Variants in KSR2 observed in about 807,000 individuals in gnomAD.
KSR2 encodes kinase suppressor of ras 2.
A neutral mutation model predicts 107.8 loss-of-function variants in KSR2; 25 were observed. That is an observed-to-expected ratio of 0.23 (90% CI 0.17 to 0.32). The LOEUF (loss-of-function observed/expected upper bound fraction) is 0.32, where lower values mean the gene tolerates loss of function less well. Among genes scored for constraint, KSR2 ranks in the 10% least tolerant of loss-of-function variants. KSR2 has a pLI of 1.00. For synonymous variants in KSR2, 480 were observed against 507.0 expected (o/e 0.95, Z 0.71); for missense variants, 887 against 1,268.9 (o/e 0.70, Z 4.57).
In KSR2 at chr12:117,550,943, C is replaced by A. The variant is rs562539270; in HGVS notation, c.1518+4226G>T. Among the ~76,000 whole-genome samples the A allele has an allele frequency of 3.3e-5, 5 of 152,160 alleles. No individual in the cohort carries two copies. In the East Asian group the frequency reaches 9.6e-4, roughly 29 times the overall value. ...GATGATTTCCCTTTCTCTGAATTGC[C>A]CCCATGTCCATCCTTTACAAAAGAC... On this transcript the variant is annotated intron_variant, in intron 9 of 19. Transcript: ENST00000339824.
chr12:117,592,467 G>T (rs1330514974), intron 5 of KSR2, among the ~76,000 whole-genome samples: 2 of 152,078 alleles, frequency 1.3e-5, no homozygotes, highest in African/African-American at 2.4e-5. Flanking sequence ...GACCTGGCAG[G>T]TAACCATCAA....
At chr12:117,771,187 A>G (rs896582668) in intron 3 of KSR2, among the ~76,000 whole-genome samples, 1 of 152,178 alleles carries the variant, frequency 6.6e-6, no homozygotes, top group African/African-American at 2.4e-5. Flanking sequence ...ACTGCTTAGG[A>G]CAAACCTGCC....
At chr12:117,771,715 G>C (rs1227638235) in intron 3 of KSR2, among the ~76,000 whole-genome samples, 3 of 152,128 alleles carry the variant, frequency 2.0e-5, no homozygotes, top group African/African-American at 4.8e-5. Flanking sequence ...TAATGGATAA[G>C]TGACAGGTCA....
chr12:117,511,701 AT>A (rs1874033708), intron 14 of KSR2, among the ~76,000 whole-genome samples: 1 of 152,210 alleles, frequency 6.6e-6, no homozygotes, highest in Admixed American at 6.5e-5. Context: ...CCATAGTGCC[AT>A]TTCACAAGGA....
At chr12:117,787,131 A>G (rs565654050) in intron 3 of KSR2, among the ~76,000 whole-genome samples, 21 of 152,092 alleles carry the variant, frequency 1.4e-4, no homozygotes, top group Admixed American at 6.5e-5. Flanking sequence ...ACTCTCTGCC[A>G]CTGCCTGTCC....
intron 3 of KSR2, among the ~76,000 whole-genome samples, chr12:117,764,560 G>A (rs1019737337): frequency 1.3e-5 from 2 of 152,104 alleles, no homozygotes; most frequent in African/African-American, 2.4e-5. Context: ...TCATTCAAAC[G>A]GGAAAAGATA....
intron 5 of KSR2, among the ~76,000 whole-genome samples, chr12:117,633,380 G>T (rs1166105637): frequency 6.6e-6 from 1 of 152,228 alleles, no homozygotes; most frequent in Admixed American, 6.5e-5. Context: ...CCAGGAACAG[G>T]TGTGCGGGTT....
At chr12:117,482,111 A>C (rs1000798432) in intron 16 of KSR2, among the ~76,000 whole-genome samples, 3 of 152,042 alleles carry the variant, frequency 2.0e-5, no homozygotes, top group Non-Finnish European at 4.4e-5. Flanking sequence ...GTTGCTACAT[A>C]AGAAGTTTGA....
chr12:117,801,941 A>T (rs1225374060), intron 3 of KSR2, among the ~76,000 whole-genome samples: 1 of 152,136 alleles, frequency 6.6e-6, no homozygotes, highest in Non-Finnish European at 1.5e-5. Context: ...TGTCCCTAAG[A>T]AAAGGGTGAC....
chr12:117,944,621 G>A (rs760022765), intron 1 of KSR2, among the ~76,000 whole-genome samples: 1 of 151,674 alleles, frequency 6.6e-6, no homozygotes, highest in East Asian at 1.9e-4. Flanking sequence ...TTTGGGAGGC[G>A]GAGACAGGCA....
chr12:117,907,816 T>G lies in KSR2; in HGVS notation c.181-47385A>C, dbSNP rs1227327773. On this transcript the variant is annotated intron_variant, in intron 1 of 19. Transcript: ENST00000339824. The surrounding 1 kb of genome is among the most constrained non-coding windows in gnomAD (Gnocchi z 4.3). Reference sequence around the variant, plus strand: ...TTTCTTCCTATAAAGCTATATAATATGAGCTTCATAATCATCTTTTCACTG... The same window carrying G: ...TTTCTTCCTATAAAGCTATATAATAGGAGCTTCATAATCATCTTTTCACTG... Among the ~76,000 whole-genome samples, 1 of 152,090 alleles carries G rather than the reference T, an allele frequency of 6.6e-6. No homozygotes were observed. Among genetic ancestry groups the G allele is most frequent in the Middle Eastern group, 3.2e-3 (1 of 312 alleles).
intron 4 of KSR2, among the ~76,000 whole-genome samples, chr12:117,726,481 G>A (rs113704396): frequency 5.8e-4 from 89 of 152,320 alleles, no homozygotes; most frequent in African/African-American, 2.0e-3. Context: ...CATTACTGGG[G>A]CCTGGGAATG....
intron 4 of KSR2, among the ~76,000 whole-genome samples, chr12:117,699,424 A>C (rs1296243129): frequency 6.6e-6 from 1 of 152,226 alleles, no homozygotes; most frequent in Non-Finnish European, 1.5e-5. Flanking sequence ...TTGTGCAAAC[A>C]TCATAGAATG....
rs1334945853 is a variant in KSR2 at position 117,897,642 on chromosome 12, C to G, written c.181-37211G>C. Among the ~76,000 whole-genome samples, 1 of 151,980 alleles carries G rather than the reference C, an allele frequency of 6.6e-6. No homozygotes were observed. The highest frequency in any genetic ancestry group is 1.9e-4 in the East Asian group (1 of 5,194). On this transcript the variant is annotated intron_variant, in intron 1 of 19. Transcript: ENST00000339824. The surrounding 1 kb of genome is among the most constrained non-coding windows in gnomAD (Gnocchi z 4.5). ...CCCCCTGTGGAAATCCCCTTTGGTA[C>G]AAAAATAAGCACGAGGTTGGTAATT...
intron 5 of KSR2, among the ~76,000 whole-genome samples, chr12:117,633,921 T>C (rs1382853917): frequency 6.6e-6 from 1 of 152,172 alleles, no homozygotes; most frequent in African/African-American, 2.4e-5. Flanking sequence ...CAGGGAAGTA[T>C]GTTTTTCTAA....
At chr12:117,519,536 T>A (rs1462623954) in intron 14 of KSR2, among the ~76,000 whole-genome samples, 5 of 151,960 alleles carry the variant, frequency 3.3e-5, no homozygotes, top group African/African-American at 1.2e-4. Flanking sequence ...AATTTTAGAG[T>A]TCTACAAAAT....
chr12:117,791,343 T>A (rs984575424), intron 3 of KSR2, among the ~76,000 whole-genome samples: 2 of 152,238 alleles, frequency 1.3e-5, no homozygotes, highest in African/African-American at 2.4e-5. Flanking sequence ...ATCAAAGATG[T>A]ATTCTTTTTC....
intron 3 of KSR2, among the ~76,000 whole-genome samples, chr12:117,775,945 G>A (rs1219715981): frequency 6.6e-6 from 1 of 152,130 alleles, no homozygotes; most frequent in African/African-American, 2.4e-5. Flanking sequence ...GGGGAAAAGT[G>A]GGGAGTGGGG....
At position 117,860,333 on chromosome 12, in the gene KSR2, C is replaced by T. The variant is rs1893249066; in HGVS notation, c.279G>A (p.Arg93=). 6.2e-7 allele frequency: 1 copy of T among 1,613,840 alleles called. No individual in the cohort carries two copies. The highest frequency in any genetic ancestry group is 8.5e-7 in the Non-Finnish European group (1 of 1,179,788). ...NAELDGFPQL[R]HWFRIVDVRK... Reference sequence around the variant, plus strand: ...GCACATCGACGATTCGGAACCAGTGCCGTAGCTGGGGGAAGCCGTCCAGCT... The same window carrying T: ...GCACATCGACGATTCGGAACCAGTGTCGTAGCTGGGGGAAGCCGTCCAGCT... The change falls in exon 2 of 20, where the codon CGG becomes CGA. Residue 93 remains arginine, a synonymous_variant. Coordinates refer to ENST00000339824, the MANE Select transcript of KSR2 (RefSeq NM_173598.6).
Sources: allele counts gnomAD v4.1 joint callset (sites outside exome capture counted in the v4.1 genomes callset), GRCh38; gene constraint gnomAD v4.1.1; non-coding constraint Gnocchi (gnomAD v3.1); transcripts MANE v1.5; gene names NCBI Gene and HGNC (gene_info 2026-07-23, HGNC 2026-07-21).